The following FAM13C variants were observed in gnomAD, a reference collection of about 807,000 sequenced individuals.
FAM13C encodes family with sequence similarity 13 member C.
A neutral mutation model predicts 73.2 loss-of-function variants in FAM13C; 37 were observed. That is an observed-to-expected ratio of 0.51 (90% CI 0.39 to 0.67). The LOEUF (loss-of-function observed/expected upper bound fraction) is 0.67. Ranked by LOEUF, FAM13C falls within the 30% of genes least tolerant of loss-of-function variation. The pLI is 0.00. For missense variants in FAM13C, 589 were observed against 715.6 expected (o/e 0.82, Z 2.02); for synonymous variants, 246 against 260.9 (o/e 0.94, Z 0.55).
intron 8 of FAM13C, among the ~76,000 whole-genome samples, chr10:59,267,043 G>A (rs1402919690): frequency 1.3e-5 from 2 of 152,146 alleles, no homozygotes; most frequent in East Asian, 3.9e-4. Context: ...TGACCAAACT[G>A]AGACTCAGAA....
chr10:59,309,861 C>T (rs1053507990), intron 4 of FAM13C, among the ~76,000 whole-genome samples: 4 of 152,102 alleles, frequency 2.6e-5, no homozygotes, highest in Admixed American at 1.3e-4. Context: ...TTGTAAATAA[C>T]GTATTCATCC....
chr10:59,298,348 A>C (rs1261486699), intron 5 of FAM13C, among the ~76,000 whole-genome samples: 1 of 152,246 alleles, frequency 6.6e-6, no homozygotes, highest in Non-Finnish European at 1.5e-5. Context: ...AATGTAAACA[A>C]ACTCATATTC....
intron 5 of FAM13C, among the ~76,000 whole-genome samples, chr10:59,292,563 A>G (rs1846383416): frequency 1.3e-5 from 2 of 152,382 alleles, no homozygotes; most frequent in Non-Finnish European, 2.9e-5. Flanking sequence ...TTCAATGAAT[A>G]TTTATTAGAA....
intron 4 of FAM13C, among the ~76,000 whole-genome samples, chr10:59,316,023 A>G (rs577467401): frequency 1.3e-3 from 173 of 131,976 alleles, no homozygotes; most frequent in Non-Finnish European, 2.3e-3. Flanking sequence ...TCTGCCTCCC[A>G]GGTTCAAGAG....
chr10:59,258,416 A>G (rs1169689329), intron 10 of FAM13C, among the ~76,000 whole-genome samples: 1 of 152,204 alleles, frequency 6.6e-6, no homozygotes, highest in African/African-American at 2.4e-5. Flanking sequence ...CCAGGAGTTC[A>G]TGGCTGCAGT....
At chr10:59,360,917 A>G (rs1160739962) in intron 1 of FAM13C, 2 of 612,310 alleles carry the variant, frequency 3.3e-6, no homozygotes, top group Non-Finnish European at 5.1e-6. Context: ...CTCCATTTTG[A>G]ACCTGCCGTG....
chr10:59,303,412 T>A (rs898548096), intron 4 of FAM13C, among the ~76,000 whole-genome samples: 1 of 152,216 alleles, frequency 6.6e-6, no homozygotes, highest in Admixed American at 6.5e-5. Context: ...CAAGGAGGTA[T>A]TGATTATGTT....
intron 4 of FAM13C, among the ~76,000 whole-genome samples, chr10:59,303,730 T>G (rs146574764): frequency 9.6e-4 from 146 of 152,200 alleles, no homozygotes; most frequent in African/African-American, 3.3e-3. Flanking sequence ...AGGGGAGGGA[T>G]AAGGAAGTGA....
At chr10:59,333,335 A>T (rs571627939) in intron 3 of FAM13C, among the ~76,000 whole-genome samples, 1 of 152,152 alleles carries the variant, frequency 6.6e-6, no homozygotes, top group South Asian at 2.1e-4. Context: ...AAAAATACAA[A>T]AAATTAGCCG....
chr10:59,283,678 C>G lies in FAM13C; in HGVS notation c.508-231G>C, dbSNP rs117153461. 4,750 of 604,678 alleles carry G rather than the reference C, an allele frequency of 7.9e-3. 41 individuals carry two copies. The highest frequency in any genetic ancestry group is 0.023 in the Admixed American group (863 of 36,790). The allele number at this position is 604,678 out of a possible 1,614,324, so 37.5% of individuals were successfully genotyped here. A position where few individuals can be genotyped will look rare whatever the true frequency, so the allele number is the denominator to read the frequency against. On this transcript the variant is annotated intron_variant, in intron 5 of 13. Transcript: ENST00000618804. The stretch of plus-strand genomic sequence containing the variant: ...GTGCCAGAATCATATACGCATCATT[C>G]CACATGCAGGCTGAGTTTCTGCCTC...
chr10:59,339,383 T>G (rs1264551846), intron 3 of FAM13C, among the ~76,000 whole-genome samples: 1 of 145,302 alleles, frequency 6.9e-6, no homozygotes, highest in Non-Finnish European at 1.5e-5. Context: ...CCTCTTATGG[T>G]AAAAGTTCAG....
At chr10:59,254,879 C>A (rs1473817657) in intron 10 of FAM13C, among the ~76,000 whole-genome samples, 1 of 152,110 alleles carries the variant, frequency 6.6e-6, no homozygotes, top group African/African-American at 2.4e-5. Context: ...CAGGTGTGAG[C>A]CACCGTGCCT....
intron 1 of FAM13C, among the ~76,000 whole-genome samples, chr10:59,357,360 C>CT (rs1255371339): frequency 6.6e-6 from 1 of 152,150 alleles, no homozygotes; most frequent in African/African-American, 2.4e-5. Context: ...CCACTGAGAT[C>CT]TTTTTGATTA....
At chr10:59,274,671 A>G (rs1844124846) in intron 6 of FAM13C, among the ~76,000 whole-genome samples, 2 of 152,194 alleles carry the variant, frequency 1.3e-5, no homozygotes, top group African/African-American at 4.8e-5. Context: ...TTCTCGTCCC[A>G]GTTTTGTCAC....
At chr10:59,351,335 A>AAAAG (rs1183921962) in intron 3 of FAM13C, among the ~76,000 whole-genome samples, 3 of 151,804 alleles carry the variant, frequency 2.0e-5, no homozygotes, top group African/African-American at 7.3e-5. Context: ...CTGTCTCAAA[A>AAAAG]AAAAAAAAAA....
intron 3 of FAM13C, among the ~76,000 whole-genome samples, chr10:59,333,250 G>A (rs1852252141): frequency 1.3e-5 from 2 of 152,270 alleles, no homozygotes; most frequent in South Asian, 4.2e-4. Flanking sequence ...ACTTTGAGAG[G>A]CCGAGGCATG....
At chr10:59,355,751 A>C (rs575867139) in intron 2 of FAM13C, 136 bp downstream of exon 2, 25 of 916,716 alleles carry the variant, frequency 2.7e-5, no homozygotes, top group Non-Finnish European at 3.8e-5. Flanking sequence ...TCAAGAGGTA[A>C]AAATCTAGTA....
chr10:59,343,300 G>A (rs1350198910), intron 3 of FAM13C, among the ~76,000 whole-genome samples: 1 of 152,120 alleles, frequency 6.6e-6, no homozygotes, highest in Non-Finnish European at 1.5e-5. Context: ...TAATATAATA[G>A]CACGTATATC....
At chr10:59,357,688 T>C (rs1855890621) in intron 1 of FAM13C, among the ~76,000 whole-genome samples, 1 of 152,222 alleles carries the variant, frequency 6.6e-6, no homozygotes, top group Admixed American at 6.5e-5. Flanking sequence ...ATTAAAGTTA[T>C]GAGATACTTA....
Sources: allele counts gnomAD v4.1 joint callset (sites outside exome capture counted in the v4.1 genomes callset), GRCh38; gene constraint gnomAD v4.1.1; transcripts MANE v1.5; gene names NCBI Gene and HGNC (gene_info 2026-07-23, HGNC 2026-07-21).